RAPGEF4: variants seen among roughly 807,000 people sequenced by gnomAD.
RAPGEF4 encodes the protein RAP guanine-nucleotide-exchange factor (GEF) 4.
Under a neutral mutation model 147.9 loss-of-function variants are expected in RAPGEF4, and 66 were observed. The observed-to-expected ratio is 0.45, with a 90% CI of 0.37 to 0.55. The LOEUF is 0.55. Ranked by LOEUF, RAPGEF4 falls within the 20% of genes least tolerant of loss-of-function variation. The pLI is 0.00. For missense variants in RAPGEF4, 1,071 were observed against 1,257.3 expected (o/e 0.85, Z 2.24); for synonymous variants, 419 against 442.7 (o/e 0.95, Z 0.67).
intron 4 of RAPGEF4, among the ~76,000 whole-genome samples, chr2:172,887,215 A>G (rs1027541931): frequency 7.2e-5 from 11 of 152,028 alleles, no homozygotes; most frequent in Admixed American, 2.6e-4. Context: ...AAAGAAAAAA[A>G]GAAAAAAAAA....
At chr2:172,973,255 G>A (rs954745624) in intron 10 of RAPGEF4, among the ~76,000 whole-genome samples, 1 of 151,966 alleles carries the variant, frequency 6.6e-6, no homozygotes, top group Non-Finnish European at 1.5e-5. Flanking sequence ...TGGAACTACA[G>A]GCGCATGCCA....
At chr2:173,051,558 TA>T in intron 30 of RAPGEF4, 81 bp from the exon 31 acceptor site, 1 of 1,432,136 alleles carries the variant, frequency 7.0e-7, no homozygotes, top group Non-Finnish European at 9.5e-7. Context: ...ATGATAAATG[TA>T]ATAAATAATT....
At chr2:172,751,702 G>A (rs1436871964) in intron 1 of RAPGEF4, among the ~76,000 whole-genome samples, 3 of 152,198 alleles carry the variant, frequency 2.0e-5, no homozygotes, top group Non-Finnish European at 2.9e-5. Context: ...TTAGATCAGT[G>A]TAATCCAGAC....
At chr2:172,938,176 T>C (rs554753028) in intron 6 of RAPGEF4, among the ~76,000 whole-genome samples, 1 of 151,848 alleles carries the variant, frequency 6.6e-6, no homozygotes, top group Non-Finnish European at 1.5e-5. Context: ...GAAATACATG[T>C]GTGCATCCTA....
At chr2:172,833,317 C>T (rs1574982303) in intron 4 of RAPGEF4, among the ~76,000 whole-genome samples, 1 of 140,116 alleles carries the variant, frequency 7.1e-6, no homozygotes, top group Admixed American at 7.3e-5. Flanking sequence ...TAACTATTTA[C>T]ATAGTATCTG....
intron 29 of RAPGEF4, among the ~76,000 whole-genome samples, chr2:173,044,992 C>T (rs776649807): frequency 2.2e-4 from 34 of 152,270 alleles, no homozygotes; most frequent in Middle Eastern, 6.8e-3. Context: ...GACCATGAAG[C>T]GTAGGGTGTA....
intron 10 of RAPGEF4, among the ~76,000 whole-genome samples, chr2:172,981,600 G>A (rs990298851): frequency 3.3e-5 from 5 of 152,218 alleles, no homozygotes; most frequent in Admixed American, 3.3e-4. Flanking sequence ...CGTGGATTTA[G>A]TATCTGTCTT....
chr2:172,898,981 C>T (rs1698797869), intron 4 of RAPGEF4, among the ~76,000 whole-genome samples: 1 of 152,166 alleles, frequency 6.6e-6, no homozygotes, highest in Non-Finnish European at 1.5e-5. Context: ...ATATACCTCA[C>T]TGTATTCAAT....
At chr2:172,761,938 A>G (rs989199089) in intron 1 of RAPGEF4, among the ~76,000 whole-genome samples, 3 of 152,268 alleles carry the variant, frequency 2.0e-5, no homozygotes, top group African/African-American at 4.8e-5. Flanking sequence ...CCTGGCCAAC[A>G]TGGTAAAACC....
At chr2:173,006,624 G>A (rs926702916) in intron 17 of RAPGEF4, among the ~76,000 whole-genome samples, 5 of 152,056 alleles carry the variant, frequency 3.3e-5, no homozygotes, top group Admixed American at 6.5e-5. Context: ...GAAAAATTAG[G>A]GTCCCTGTCA....
intron 3 of RAPGEF4, among the ~76,000 whole-genome samples, chr2:172,805,572 G>A (rs1298323795): frequency 6.6e-6 from 1 of 152,160 alleles, no homozygotes; most frequent in African/African-American, 2.4e-5. Flanking sequence ...GCACCAAGAA[G>A]GGGACCTGCC....
At position 172,814,394 on chromosome 2, in the gene RAPGEF4, T is replaced by C; in HGVS notation, c.413T>C (p.Ile138Thr). 1 of 1,614,140 alleles carries C rather than the reference T, an allele frequency of 6.2e-7. No homozygotes were observed. Among genetic ancestry groups the C allele is most frequent in the South Asian group, 1.1e-5 (1 of 91,078 alleles). The stretch of plus-strand genomic sequence containing the variant: ...AGGGAGAGCAGTGAACTGCTCCGCA[T>C]CGAGCAGAAGGACTTCAAGGCACTA... ...VTRESSELLR[I>T]EQKDFKALWE... is the part of the protein sequence containing the mutation. Residue 138 changes from isoleucine to threonine, a missense_variant, in exon 4 of 31, where the codon ATC (isoleucine) becomes ACC (threonine). Ile to Thr is a moderately conservative substitution (Grantham distance 89, BLOSUM62 -1). Transcript: ENST00000397081.
intron 4 of RAPGEF4, among the ~76,000 whole-genome samples, chr2:172,873,020 T>G (rs1201438075): frequency 6.6e-6 from 1 of 152,200 alleles, no homozygotes; most frequent in Non-Finnish European, 1.5e-5. Flanking sequence ...TGCAATTGAT[T>G]GTTATAACAT....
At chr2:173,037,294 C>T (rs770251184) in intron 29 of RAPGEF4, among the ~76,000 whole-genome samples, 2 of 151,922 alleles carry the variant, frequency 1.3e-5, no homozygotes, top group Admixed American at 6.6e-5. Context: ...ATCATAGCCT[C>T]ACTATAGCCT....
At chr2:173,036,269 G>A (rs1683996218) in intron 28 of RAPGEF4, 57 bp downstream of exon 28, 7 of 1,297,762 alleles carry the variant, frequency 5.4e-6, no homozygotes, top group African/African-American at 2.9e-5. Context: ...GGAGGGAAAT[G>A]AACAATACCT....
chr2:172,895,570 C>T (rs959327136), intron 4 of RAPGEF4, among the ~76,000 whole-genome samples: 1 of 152,074 alleles, frequency 6.6e-6, no homozygotes, highest in South Asian at 2.1e-4. Context: ...TAGTTATTGC[C>T]AAAATGATTT....
intron 1 of RAPGEF4, among the ~76,000 whole-genome samples, chr2:172,737,073 T>G (rs971427322): frequency 9.9e-5 from 15 of 152,246 alleles, no homozygotes; most frequent in African/African-American, 3.1e-4. Context: ...TTGCATACTC[T>G]ATTATAGGCC....
intron 6 of RAPGEF4, among the ~76,000 whole-genome samples, chr2:172,960,524 A>G (rs1377176794): frequency 6.6e-6 from 1 of 151,926 alleles, no homozygotes; most frequent in Admixed American, 6.6e-5. Flanking sequence ...ATTCCTATCT[A>G]TTTGGTTTTT....
chr2:172,942,330 G>A (rs1165967229), intron 6 of RAPGEF4, among the ~76,000 whole-genome samples: 1 of 151,410 alleles, frequency 6.6e-6, no homozygotes, highest in African/African-American at 2.4e-5. Context: ...AATTGTCTTA[G>A]CTCAAATTCA....
Sources: gnomAD v4.1 joint callset for allele counts (sites outside exome capture counted in the v4.1 genomes callset) on GRCh38, gnomAD v4.1.1 for gene constraint, MANE v1.5 for transcripts, NCBI Gene and HGNC (gene_info 2026-07-23, HGNC 2026-07-21) for gene names.